GPC6: variants seen among roughly 807,000 people sequenced by gnomAD.
The protein encoded by GPC6 is glypican-6.
In GPC6, 14 loss-of-function variants were observed where a neutral mutation model predicts 55.2. That is an observed-to-expected ratio of 0.25 (90% CI 0.17 to 0.40). The LOEUF (loss-of-function observed/expected upper bound fraction) is 0.40. GPC6 is among the 10% of genes least tolerant of loss of function. The pLI is 1.00. For synonymous variants in GPC6, 278 were observed against 259.6 expected, an observed-to-expected ratio of 1.07 and a Z score of -0.68; for missense variants, 641 against 708.5, an observed-to-expected ratio of 0.90 and a Z score of 1.08.
chr13:93,360,512 T>C (rs74755009), intron 1 of GPC6, among the ~76,000 whole-genome samples: 8,578 of 152,256 alleles, frequency 0.056, 340 homozygotes, highest in Non-Finnish European at 0.079. Flanking sequence ...CCAGAGCCTA[T>C]AAAATAATAT....
At chr13:93,823,224 T>C in intron 2 of GPC6, among the ~76,000 whole-genome samples, 1 of 59,090 alleles carries the variant, frequency 1.7e-5, no homozygotes, top group African/African-American at 1.3e-4. Flanking sequence ...ATTTATATTA[T>C]ATAAATATGA....
At chr13:93,776,538 A>G (rs1885475396) in intron 2 of GPC6, among the ~76,000 whole-genome samples, 1 of 152,058 alleles carries the variant, frequency 6.6e-6, no homozygotes, top group South Asian at 2.1e-4. Context: ...TAATGAACTG[A>G]TATGATCCGG....
At chr13:93,556,817 G>A (rs1040527497) in intron 2 of GPC6, among the ~76,000 whole-genome samples, 4 of 151,948 alleles carry the variant, frequency 2.6e-5, no homozygotes, top group African/African-American at 9.7e-5. Context: ...TTGTCTTTCT[G>A]CGCCTGGCTT....
intron 1 of GPC6, among the ~76,000 whole-genome samples, chr13:93,383,981 A>G (rs2139207814): frequency 6.6e-6 from 1 of 152,182 alleles, no homozygotes; most frequent in East Asian, 1.9e-4. Flanking sequence ...ATGCTGGCAA[A>G]TGCTATTATA....
chr13:93,857,226 G>A (rs1888650319), intron 3 of GPC6, among the ~76,000 whole-genome samples: 1 of 151,504 alleles, frequency 6.6e-6, no homozygotes, highest in African/African-American at 2.4e-5. Context: ...AGCAGCAGGA[G>A]AGAATCAAAG....
intron 6 of GPC6, among the ~76,000 whole-genome samples, chr13:94,349,193 A>AACTT (rs1349738610): frequency 6.6e-6 from 1 of 152,070 alleles, no homozygotes; most frequent in African/African-American, 2.4e-5. Context: ...TTCACCTTCT[A>AACTT]ACTTACCTTC....
chr13:93,576,290 A>G (rs1430786213), intron 2 of GPC6, among the ~76,000 whole-genome samples: 3 of 152,190 alleles, frequency 2.0e-5, no homozygotes, highest in Non-Finnish European at 4.4e-5. Context: ...AGAGGGAGTC[A>G]ATTTTTAATT....
At chr13:94,197,197 C>G (rs1889604232) in intron 4 of GPC6, among the ~76,000 whole-genome samples, 1 of 152,200 alleles carries the variant, frequency 6.6e-6, no homozygotes, top group Middle Eastern at 3.4e-3. Flanking sequence ...CTCTGAGAAA[C>G]TCTACAGTAT....
At chr13:93,228,775 G>C (rs1875911051) in intron 1 of GPC6, among the ~76,000 whole-genome samples, 1 of 152,204 alleles carries the variant, frequency 6.6e-6, no homozygotes, top group Non-Finnish European at 1.5e-5. Context: ...ATTTCCACCA[G>C]CCTCTGTCTG....
At position 94,286,312 on chromosome 13, in the gene GPC6, C is replaced by T. The variant is rs867216084; in HGVS notation, c.878-37C>T. ...ACACAGGTTGGGAACCTGGAGCTCC[C>T]AGTTTGCAAATAAATCATGTTCCTG... On this transcript the variant is annotated intron_variant, in intron 4 of 8. Coordinates refer to ENST00000377047, the MANE Select transcript of GPC6 (RefSeq NM_005708.5). 8 of 1,612,350 alleles carry T rather than the reference C, an allele frequency of 5.0e-6. No homozygotes were observed. In the Middle Eastern group the frequency reaches 1.3e-3, roughly 266 times the overall value.
intron 1 of GPC6, chr13:93,395,420 G>A: frequency 3.6e-6 from 1 of 279,606 alleles, no homozygotes; most frequent in East Asian, 8.8e-5. Context: ...AGTTACAGAA[G>A]CAAAGCCCCA....
At chr13:93,449,104 G>A (rs1405192070) in intron 1 of GPC6, among the ~76,000 whole-genome samples, 1 of 152,200 alleles carries the variant, frequency 6.6e-6, no homozygotes, top group Admixed American at 6.5e-5. Context: ...ATATAGTATA[G>A]GCACTTAATA....
intron 2 of GPC6, among the ~76,000 whole-genome samples, chr13:93,646,047 G>C (rs1301489885): frequency 6.6e-6 from 1 of 152,020 alleles, no homozygotes; most frequent in Non-Finnish European, 1.5e-5. Flanking sequence ...TGTTTTAAAA[G>C]TATCTGTACA....
intron 3 of GPC6, among the ~76,000 whole-genome samples, chr13:93,955,243 GCACACACACACA>G (rs10524254): frequency 1.8e-3 from 244 of 136,266 alleles, no homozygotes; most frequent in African/African-American, 5.7e-3. Context: ...GAATGAACAT[GCACACACACACA>G]CACACACACA....
chr13:94,221,212 C>G (rs905714135), intron 4 of GPC6, among the ~76,000 whole-genome samples: 6 of 151,956 alleles, frequency 3.9e-5, no homozygotes, highest in Non-Finnish European at 5.9e-5. Flanking sequence ...AATGACTTGC[C>G]CTGATGAGTG....
At chr13:94,030,218 C>A (rs1410402381) in intron 4 of GPC6, among the ~76,000 whole-genome samples, 1 of 152,002 alleles carries the variant, frequency 6.6e-6, no homozygotes, top group East Asian at 1.9e-4. Context: ...ACCGTGTTAG[C>A]CAGGATGGTC....
chr13:93,858,871 G>A (rs1199428892), intron 3 of GPC6, among the ~76,000 whole-genome samples: 1 of 151,522 alleles, frequency 6.6e-6, no homozygotes, highest in African/African-American at 2.4e-5. Context: ...TTATAAAAAG[G>A]GAAGGGAGAC....
At chr13:93,980,870 C>T (rs1880773185) in intron 3 of GPC6, among the ~76,000 whole-genome samples, 2 of 152,120 alleles carry the variant, frequency 1.3e-5, no homozygotes, top group African/African-American at 2.4e-5. Context: ...CCTTTTTCTG[C>T]TTCCTCTCAC....
At chr13:93,974,540 A>G (rs1367751450) in intron 3 of GPC6, among the ~76,000 whole-genome samples, 1 of 152,176 alleles carries the variant, frequency 6.6e-6, no homozygotes, top group East Asian at 1.9e-4. Context: ...AAAACATAAA[A>G]TACCTAGGTG....
Sources: gnomAD v4.1 joint callset for allele counts (sites outside exome capture counted in the v4.1 genomes callset) on GRCh38, gnomAD v4.1.1 for gene constraint, MANE v1.5 for transcripts, NCBI Gene and HGNC (gene_info 2026-07-23, HGNC 2026-07-21) for gene names.